ACAA1: variants seen among roughly 807,000 people sequenced by gnomAD.
ACAA1 encodes the protein acetyl-CoA acyltransferase 1.
Under a neutral mutation model 48.8 loss-of-function variants are expected in ACAA1, and 44 were observed. That is an observed-to-expected ratio of 0.90 (90% confidence interval 0.71 to 1.16). ACAA1 has a LOEUF of 1.16. Ranked by LOEUF, ACAA1 falls within the 50% of genes most tolerant of loss-of-function variation. The probability of loss-of-function intolerance (pLI) is 0.00; values close to 1 mark genes in which losing one functional copy is unlikely to be tolerated. For synonymous variants in ACAA1, 233 were observed against 226.5 expected (o/e 1.03, Z -0.26); for missense variants, 512 against 562.3 (o/e 0.91, Z 0.90).
intron 2 of ACAA1, 118 bp downstream of exon 2, chr3:38,136,474 C>A: frequency 9.2e-7 from 1 of 1,087,464 alleles, no homozygotes; most frequent in South Asian, 1.3e-5. Flanking sequence ...AGGACCCCTT[C>A]AAAGGTCAAG....
intron 7 of ACAA1, among the ~76,000 whole-genome samples, chr3:38,127,293 C>T (rs1173104371): frequency 6.6e-6 from 1 of 152,198 alleles, no homozygotes; most frequent in African/African-American, 2.4e-5. Context: ...ATCACTGCCT[C>T]AGGGAAGCCC....
rs749126476 is a variant in ACAA1, at chr3:38,126,839, G to A, written c.627-139C>T. 1 of 1,068,088 alleles carries A rather than the reference G, an allele frequency of 9.4e-7. No homozygotes were observed. The highest frequency in any genetic ancestry group is 1.4e-6 in the Non-Finnish European group (1 of 739,198). The allele number at this position is 1,068,088 out of a possible 1,614,324, so 66.2% of individuals were successfully genotyped here. On this transcript the variant is annotated intron_variant, in intron 7 of 11. Coordinates refer to ENST00000333167, the MANE Select transcript of ACAA1 (RefSeq NM_001607.4). This position sits in a 1 kb window ranked among gnomAD's most constrained non-coding sequence, Gnocchi z 4.7. ...TGCTCGACTTTGGGGGAGCTCTGAG[G>A]GCATGGCTAAGGCCTTACAGGGCCT...
rs1700675922 is a variant in ACAA1 at position 38,126,092 on chromosome 3, TGGCAACAGCATGCAG to T, written c.997+55_997+69del. The T allele has an allele frequency of 1.3e-6, 2 of 1,561,086 alleles. No homozygotes were observed. Among genetic ancestry groups the T allele is most frequent in the Admixed American group, 3.5e-5 (2 of 56,830 alleles). On this transcript the variant is annotated intron_variant, in intron 9 of 11. Coordinates refer to ENST00000333167, the MANE Select transcript of ACAA1 (RefSeq NM_001607.4). This position sits in a 1 kb window ranked among gnomAD's most constrained non-coding sequence, Gnocchi z 4.7. ...ACCCACAGGACCACCCTCATGCCCC[TGGCAACAGCATGCAG>T]GGCAGCTGCAGGATCCAGGTGGGAC... is the stretch of plus-strand genomic sequence containing the variant.
Position 38,133,952 on chromosome 3 carries a change from C to T in ACAA1, c.323G>A (p.Ser108Asn). ...CATGGCTAGAACTAGAAAAGTTTACCTCAGAAACTGGGCGATTCGGGCCAT... is the reference window on the plus strand; with the variant it reads ...CATGGCTAGAACTAGAAAAGTTTACTTCAGAAACTGGGCGATTCGGGCCAT... ...AIMARIAQFL[S>N]DIPETVPLST... The change falls in exon 3 of 12, where the codon AGT (serine) becomes AAT (asparagine). Residue 108 changes from serine (S) to asparagine (N), a missense_variant and splice_region_variant. Physicochemically the swap from Ser to Asn is conservative, Grantham distance 46 (BLOSUM62 1). Coordinates refer to ENST00000333167, the MANE Select transcript of ACAA1 (RefSeq NM_001607.4). 2.5e-6 allele frequency: 4 copies of T among 1,614,190 alleles called. No homozygotes were observed. The highest frequency in any genetic ancestry group is 3.4e-6 in the Non-Finnish European group (4 of 1,180,030).
chr3:38,129,482 T>C lies in ACAA1; in HGVS notation c.447-94A>G, dbSNP rs577506465. ...TGAACACTTGGCAAGTGCTAGGAAA[T>C]AGCCAGGGAGCCCTAGGAAGACCAG... On this transcript the variant is annotated intron_variant, in intron 5 of 11. Coordinates refer to ENST00000333167, the MANE Select transcript of ACAA1 (RefSeq NM_001607.4). This position sits in a 1 kb window ranked among gnomAD's most constrained non-coding sequence, Gnocchi z 5.3. The C allele has an allele frequency of 1.4e-4, 141 of 1,022,786 alleles. No homozygotes were observed. In the Admixed American group the frequency reaches 2.9e-3, roughly 21 times the overall value. 63.4% of individuals were successfully genotyped at this position (1,022,786 alleles called of 1,614,324 possible).
Position 38,125,678 on chromosome 3 carries a change from G to A in ACAA1, c.1086C>T (p.Pro362=). 1 of 1,600,116 alleles carries A rather than the reference G, an allele frequency of 6.2e-7. No individual in the cohort carries two copies. Among genetic ancestry groups the A allele is most frequent in the Non-Finnish European group, 8.5e-7 (1 of 1,171,854 alleles). The change falls in exon 11 of 12, where the codon CCC becomes CCT. Residue 362 remains proline, a synonymous_variant. Transcript: ENST00000333167. The stretch of plus-strand genomic sequence containing the variant: ...CCCCCAGGGGGTTCACCTTCTCAGG[G>A]GGGAGTCGTAGCTTCTCCACACAGT... ...AAYCVEKLRL[P]PEKVNPLGGA...
chr3:38,131,475 G>T, intron 5 of ACAA1, 121 bp downstream of exon 5: 1 of 1,035,484 alleles, frequency 9.7e-7, no homozygotes, highest in Non-Finnish European at 1.5e-6. Flanking sequence ...GAACCCACTC[G>T]TGGCCAGCTG....
At chr3:38,127,182 C>CA (rs1700698349) in intron 7 of ACAA1, among the ~76,000 whole-genome samples, 1 of 152,272 alleles carries the variant, frequency 6.6e-6, no homozygotes, top group East Asian at 1.9e-4. Flanking sequence ...GTGACCCTTG[C>CA]AAATATGTGC....
chr3:38,137,071 G>T lies in ACAA1; in HGVS notation c.-36C>A. 1 of 1,496,158 alleles carries T rather than the reference G, an allele frequency of 6.7e-7. No individual in the cohort carries two copies. The highest frequency in any genetic ancestry group is 8.9e-7 in the Non-Finnish European group (1 of 1,122,196). 92.7% of individuals were successfully genotyped at this position (1,496,158 alleles called of 1,614,324 possible). Reference sequence around the variant, plus strand: ...AACCCTGCAGACCAGCCACCAGTCCGGGAACTGACCGCGGAGTTAACAGAC... The same window carrying T: ...AACCCTGCAGACCAGCCACCAGTCCTGGAACTGACCGCGGAGTTAACAGAC... On this transcript the variant is annotated 5_prime_UTR_variant, in exon 1 of 12. Coordinates refer to ENST00000333167, the MANE Select transcript of ACAA1 (RefSeq NM_001607.4).
rs1457435501 is a variant in ACAA1 at position 38,129,456 on chromosome 3, C to G, written c.447-68G>C. 3.2e-5 allele frequency: 41 copies of G among 1,282,082 alleles called. No homozygotes were observed. Among genetic ancestry groups the G allele is most frequent in the Non-Finnish European group, 3.7e-5 (33 of 892,952 alleles). 79.4% of individuals were successfully genotyped at this position (1,282,082 alleles called of 1,614,324 possible). ...CCTAGCAGGACTCCTCCAGAGATAG[C>G]TGAACACTTGGCAAGTGCTAGGAAA... On this transcript the variant is annotated intron_variant, in intron 5 of 11. Coordinates refer to ENST00000333167, the MANE Select transcript of ACAA1 (RefSeq NM_001607.4). The surrounding 1 kb of genome is among the most constrained non-coding windows in gnomAD (Gnocchi z 5.3).
At position 38,137,005 on chromosome 3, in the gene ACAA1, G is replaced by C; in HGVS notation, c.31C>G (p.Leu11Val). The change falls in exon 1 of 12, where the codon CTG becomes GTG. Residue 11 changes from leucine to valine, a missense_variant. Coordinates refer to ENST00000333167, the MANE Select transcript of ACAA1 (RefSeq NM_001607.4). The stretch of plus-strand genomic sequence containing the variant: ...CAGCCGGAATCGGCCGGACCCCTCA[G>C]GTGGCCCAGCACTACCTGCAGCCTC... MQRLQVVLGH[L>V]RGPADSGWMP... is the part of the protein sequence containing the mutation. 1 of 1,566,578 alleles carries C rather than the reference G, an allele frequency of 6.4e-7. No individual in the cohort carries two copies. Among genetic ancestry groups the C allele is most frequent in the Non-Finnish European group, 8.6e-7 (1 of 1,158,000 alleles).
At chr3:38,132,124 C>CCAG in intron 3 of ACAA1, 119 bp from the exon 4 acceptor site, 1 of 829,242 alleles carries the variant, frequency 1.2e-6, no homozygotes, top group Non-Finnish European at 1.9e-6. Flanking sequence ...GGGAACAAAC[C>CCAG]CAGCAGCTCT....
rs1377398585 is a variant in ACAA1 at position 38,126,026 on chromosome 3, G to C, written c.997+136C>G. The C allele has an allele frequency of 2.0e-5, 29 of 1,457,260 alleles. No homozygotes were observed. Among genetic ancestry groups the C allele is most frequent in the Non-Finnish European group, 2.7e-5 (29 of 1,057,886 alleles). The allele number at this position is 1,457,260 out of a possible 1,614,324, so 90.3% of individuals were successfully genotyped here. On this transcript the variant is annotated intron_variant, in intron 9 of 11. Coordinates refer to ENST00000333167, the MANE Select transcript of ACAA1 (RefSeq NM_001607.4). This position sits in a 1 kb window ranked among gnomAD's most constrained non-coding sequence, Gnocchi z 4.7. The stretch of plus-strand genomic sequence containing the variant: ...CCAGCTGTGGGGTCAGGAAGGGCTT[G>C]AAGTATGGGACACTAGCCTGCCCCA...
At chr3:38,131,668 T>C (rs376603814) in intron 4 of ACAA1, 30 bp from the exon 5 acceptor site, 5 of 1,613,444 alleles carry the variant, frequency 3.1e-6, no homozygotes, top group Non-Finnish European at 4.2e-6. Context: ...TAAACATCCT[T>C]TGCCAGAGTC....
intron 11 of ACAA1, 198 bp from the exon 12 acceptor site, chr3:38,123,320 G>C: frequency 1.7e-6 from 1 of 587,644 alleles, no homozygotes; most frequent in South Asian, 2.0e-5. Context: ...CCCTTTCAAG[G>C]CTGGCCCTTA....
In ACAA1 at chr3:38,126,327, C is replaced by T. The variant is rs1374011134; in HGVS notation, c.832G>A (p.Val278Met). 2 of 1,613,878 alleles carry T rather than the reference C, an allele frequency of 1.2e-6. No individual in the cohort carries two copies. Among genetic ancestry groups the T allele is most frequent in the East Asian group, 2.2e-5 (1 of 44,886 alleles). Reference sequence around the variant, plus strand: ...AGGATGGCAGCTGCCCCATCACTCACCTGGCTAGAGTTTCCTAGGGGCAAA... The same window carrying T: ...AGGATGGCAGCTGCCCCATCACTCATCTGGCTAGAGTTTCCTAGGGGCAAA... Reference protein sequence around the residue: ...GSTTAGNSSQVSDGAAAILLA... With the variant: ...GSTTAGNSSQMSDGAAAILLA... Residue 278 changes from valine (V) to methionine (M), a missense_variant, in exon 9 of 12, where the codon GTG becomes ATG. Val to Met is a conservative substitution (Grantham distance 21, BLOSUM62 1). Transcript: ENST00000333167. This position sits in a 1 kb window ranked among gnomAD's most constrained non-coding sequence, Gnocchi z 4.7.
In ACAA1 at chr3:38,125,723, A is replaced by C; in HGVS notation, c.1054-13T>G. The C allele has an allele frequency of 1.9e-6, 3 of 1,611,046 alleles. No individual in the cohort carries two copies. The highest frequency in any genetic ancestry group is 2.5e-6 in the Non-Finnish European group (3 of 1,177,904). The stretch of plus-strand genomic sequence containing the variant: ...CACAGTAGGCAGCCTGGAAGGAGGC[A>C]GATCATCACCTATAGCCCTCTTACC... On this transcript the variant is annotated splice_polypyrimidine_tract_variant and intron_variant, in intron 10 of 11. Transcript: ENST00000333167.
intron 6 of ACAA1, among the ~76,000 whole-genome samples, chr3:38,128,730 T>C (rs1186267474): frequency 6.6e-6 from 1 of 152,200 alleles, no homozygotes; most frequent in Non-Finnish European, 1.5e-5. Flanking sequence ...TAGCTGGGAC[T>C]ACAGGCGCTC....
intron 2 of ACAA1, 146 bp downstream of exon 2, chr3:38,136,446 C>T: frequency 3.9e-6 from 3 of 762,674 alleles, no homozygotes; most frequent in South Asian, 3.1e-5. Context: ...CGAGAAATAC[C>T]CACAGGTGTG....
Sources: gnomAD v4.1 joint callset for allele counts (sites outside exome capture counted in the v4.1 genomes callset) on GRCh38, gnomAD v4.1.1 for gene constraint, Gnocchi (gnomAD v3.1) non-coding constraint, MANE v1.5 for transcripts, NCBI Gene and HGNC (gene_info 2026-07-23, HGNC 2026-07-21) for gene names.